The following DRC1 variants were observed in gnomAD, a reference collection of about 807,000 sequenced individuals.
DRC1 encodes dynein regulatory complex protein 1.
In DRC1, 74 loss-of-function variants were observed where a neutral mutation model predicts 98.7. The observed-to-expected ratio is 0.75, with a 90% CI of 0.62 to 0.91. DRC1 has a LOEUF of 0.91. Among genes scored for constraint, DRC1 ranks in the 40% least tolerant of loss-of-function variants. DRC1 has a pLI of 0.00. For missense variants in DRC1, 875 were observed against 886.0 expected (o/e 0.99, Z 0.16); for synonymous variants, 336 against 334.1 (o/e 1.01, Z -0.06).
intron 7 of DRC1, among the ~76,000 whole-genome samples, chr2:26,432,561 G>T (rs1663462877): frequency 1.4e-5 from 2 of 139,402 alleles, no homozygotes; most frequent in African/African-American, 5.4e-5. Flanking sequence ...AAGAAAGGAA[G>T]AAAGGAAGGA....
chr2:26,435,589 T>G (rs1663548290), intron 7 of DRC1, among the ~76,000 whole-genome samples: 1 of 152,144 alleles, frequency 6.6e-6, no homozygotes, highest in South Asian at 2.1e-4. Flanking sequence ...CACCCTCAAG[T>G]GGGCCCCAGT....
chr2:26,449,202 A>G (rs1663936888), intron 11 of DRC1, among the ~76,000 whole-genome samples: 2 of 152,178 alleles, frequency 1.3e-5, no homozygotes, highest in Admixed American at 1.3e-4. Flanking sequence ...GACTCTGGCT[A>G]TGTTGGGATT....
At chr2:26,417,343 T>C (rs895296989) in intron 2 of DRC1, among the ~76,000 whole-genome samples, 6 of 151,818 alleles carry the variant, frequency 4.0e-5, no homozygotes, top group African/African-American at 7.3e-5. Flanking sequence ...TTTTTTTTTT[T>C]CTTCCGAAAC....
At chr2:26,446,013 A>G (rs1369860975) in intron 10 of DRC1, among the ~76,000 whole-genome samples, 1 of 151,748 alleles carries the variant, frequency 6.6e-6, no homozygotes, top group Admixed American at 6.6e-5. Flanking sequence ...CCAGGTGTTC[A>G]AGGCACACAT....
intron 10 of DRC1, 125 bp from the exon 11 acceptor site, chr2:26,448,566 C>T: frequency 1.0e-6 from 1 of 956,358 alleles, no homozygotes; most frequent in Non-Finnish European, 1.6e-6. Context: ...TGAGAGAATG[C>T]CTCACAGAGG....
intron 7 of DRC1, among the ~76,000 whole-genome samples, chr2:26,439,230 C>T (rs1373696498): frequency 6.6e-6 from 1 of 152,124 alleles, no homozygotes; most frequent in Non-Finnish European, 1.5e-5. Flanking sequence ...GTGGCACCTG[C>T]GTAACTCCAG....
At chr2:26,447,135 C>T (rs1663874258) in intron 10 of DRC1, among the ~76,000 whole-genome samples, 1 of 151,488 alleles carries the variant, frequency 6.6e-6, no homozygotes, top group South Asian at 2.1e-4. Context: ...TAAAAATAGG[C>T]CGGGTGCGGT....
At chr2:26,443,629 A>G (rs1663775502) in intron 8 of DRC1, among the ~76,000 whole-genome samples, 1 of 152,166 alleles carries the variant, frequency 6.6e-6, no homozygotes, top group Non-Finnish European at 1.5e-5. Flanking sequence ...GTATCTTTGT[A>G]TTCATCTTTG....
intron 12 of DRC1, 130 bp downstream of exon 12, chr2:26,450,215 C>A: frequency 1.2e-6 from 1 of 818,928 alleles, no homozygotes; most frequent in Non-Finnish European, 2.0e-6. Context: ...CCTGTCACAT[C>A]CTTCCCTTAA....
At chr2:26,450,147 C>A in intron 12 of DRC1, 62 bp downstream of exon 12, 1 of 1,509,264 alleles carries the variant, frequency 6.6e-7, no homozygotes, top group Non-Finnish European at 9.0e-7. Flanking sequence ...TCTCAGATGG[C>A]CCTGCCATTG....
In DRC1 at chr2:26,449,547, G is replaced by A. The variant is rs557382952; in HGVS notation, c.1510-449G>A. ...GCTCAGCCGCCCTCTCCCTTCCACCGCATGTGTGCTGTGTTTTGGTTTGGG... is the reference window on the plus strand; with the variant it reads ...GCTCAGCCGCCCTCTCCCTTCCACCACATGTGTGCTGTGTTTTGGTTTGGG... On this transcript the variant is annotated intron_variant, in intron 11 of 16. Transcript: ENST00000288710. Among the ~76,000 whole-genome samples, 8 of 152,362 alleles carry A rather than the reference G, an allele frequency of 5.3e-5. No homozygotes were observed. The South Asian group carries it at 1.2e-3, about 24-fold the overall frequency.
chr2:26,451,569 T>C (rs1169605239), intron 13 of DRC1, among the ~76,000 whole-genome samples: 1 of 152,084 alleles, frequency 6.6e-6, no homozygotes, highest in Non-Finnish European at 1.5e-5. Flanking sequence ...TCCAGCTACT[T>C]GGGAGGCTCA....
chr2:26,452,289 T>A (rs573905875), intron 13 of DRC1, among the ~76,000 whole-genome samples: 1 of 152,194 alleles, frequency 6.6e-6, no homozygotes, highest in Non-Finnish European at 1.5e-5. Context: ...AGAGTCTCAC[T>A]CTGTTGCCCA....
intron 2 of DRC1, among the ~76,000 whole-genome samples, chr2:26,420,436 C>T (rs1369633065): frequency 3.3e-5 from 5 of 152,028 alleles, no homozygotes; most frequent in Non-Finnish European, 7.4e-5. Context: ...CCTGCCTCAC[C>T]TCCCCAACTG....
Position 26,444,812 on chromosome 2 carries a change from CAGG to C in DRC1, c.1262_1264del (p.Arg421del), listed in dbSNP as rs762381493. 1 of 1,614,070 alleles carries C rather than the reference CAGG, an allele frequency of 6.2e-7. No homozygotes were observed. Among genetic ancestry groups the C allele is most frequent in the East Asian group, 2.2e-5 (1 of 44,906 alleles). On this transcript the variant is annotated inframe_deletion, in exon 10 of 17. Coordinates refer to ENST00000288710, the MANE Select transcript of DRC1 (RefSeq NM_145038.5). ...TAATAGCCAGAGCCTTTGATGTGGA[CAGG>C]ATCATCCACACCCATCATCTGGGGC...
rs745718864 is a variant in DRC1 at position 26,421,312 on chromosome 2, G to C, written c.268G>C (p.Gly90Arg). Reference protein sequence around the residue: ...RLKLAKLLLCGTELVTNIQVA... With the variant: ...RLKLAKLLLCRTELVTNIQVA... ...GAAATTGGCTAAACTTCTGCTCTGT[G>C]GCACCGAGTTGGTGACAAATATCCA... The change falls in exon 3 of 17, where the codon GGC becomes CGC. Residue 90 changes from glycine (G) to arginine (R), a missense_variant. Coordinates refer to ENST00000288710, the MANE Select transcript of DRC1 (RefSeq NM_145038.5). 45 of 1,613,560 alleles carry C rather than the reference G, an allele frequency of 2.8e-5. 2 individuals carry two copies. In the South Asian group the frequency reaches 4.8e-4, roughly 17 times the overall value.
Position 26,449,947 on chromosome 2 carries a change from G to A in DRC1, c.1510-49G>A, listed in dbSNP as rs200089205. The A allele has an allele frequency of 7.0e-6, 11 of 1,571,292 alleles. No homozygotes were observed. In the South Asian group the frequency reaches 7.9e-5, roughly 11 times the overall value. Reference sequence around the variant, plus strand: ...GGGGCAGCTGCAGACCCTGGGACTCGCTCCTGAAACCTGTCCCCGACAGGA... The same window carrying A: ...GGGGCAGCTGCAGACCCTGGGACTCACTCCTGAAACCTGTCCCCGACAGGA... On this transcript the variant is annotated intron_variant, in intron 11 of 16. Coordinates refer to ENST00000288710, the MANE Select transcript of DRC1 (RefSeq NM_145038.5).
chr2:26,445,028 T>A (rs1242292170), intron 10 of DRC1, 80 bp downstream of exon 10: 3 of 1,427,320 alleles, frequency 2.1e-6, no homozygotes, highest in Non-Finnish European at 2.9e-6. Flanking sequence ...ACGTTAGAGA[T>A]AGTCTAGGGA....
intron 2 of DRC1, among the ~76,000 whole-genome samples, chr2:26,419,918 G>A (rs969261023): frequency 1.3e-5 from 2 of 152,174 alleles, no homozygotes; most frequent in African/African-American, 2.4e-5. Flanking sequence ...AGTGCAGCCA[G>A]CTACAATCTT....
Sources: gnomAD v4.1 joint callset for allele counts (sites outside exome capture counted in the v4.1 genomes callset) on GRCh38, gnomAD v4.1.1 for gene constraint, MANE v1.5 for transcripts, NCBI Gene and HGNC (gene_info 2026-07-23, HGNC 2026-07-21) for gene names.